The following GPC5 variants were observed in gnomAD, a reference collection of about 807,000 sequenced individuals.
GPC5 encodes the protein glypican 5, also known as glypican-5.
GPC5 carries 47 observed loss-of-function variants against 53.9 expected under a neutral mutation model. That is an observed-to-expected ratio of 0.87 (90% CI 0.69 to 1.11). The LOEUF is 1.11. Among genes scored for constraint, GPC5 ranks in the 50% most tolerant of loss-of-function variants. GPC5 has a pLI of 0.00. For synonymous variants in GPC5, 286 were observed against 263.3 expected, an observed-to-expected ratio of 1.09 and a Z score of -0.84; for missense variants, 748 against 713.1, an observed-to-expected ratio of 1.05 and a Z score of -0.56.
At chr13:92,624,996 T>A (rs1335337902) in intron 7 of GPC5, among the ~76,000 whole-genome samples, 1 of 152,202 alleles carries the variant, frequency 6.6e-6, no homozygotes, top group Non-Finnish European at 1.5e-5. Context: ...AGGATTTAAA[T>A]CCCTGAATTT....
chr13:91,449,190 A>C (rs929137302), intron 2 of GPC5, among the ~76,000 whole-genome samples: 4 of 152,148 alleles, frequency 2.6e-5, no homozygotes, highest in African/African-American at 9.7e-5. Context: ...GGGTTCTTCC[A>C]GGTCTGCCAA....
chr13:91,803,172 G>T (rs1461892429), intron 5 of GPC5, among the ~76,000 whole-genome samples: 2 of 151,864 alleles, frequency 1.3e-5, no homozygotes, highest in Non-Finnish European at 2.9e-5. Context: ...TTATATTATT[G>T]GTGAGAAATC....
intron 4 of GPC5, among the ~76,000 whole-genome samples, chr13:91,739,855 G>A (rs1224784991): frequency 6.6e-6 from 1 of 151,424 alleles, no homozygotes; most frequent in Non-Finnish European, 1.5e-5. Flanking sequence ...TGAAACTGTG[G>A]GGAGTTATCA....
chr13:92,846,248 T>C (rs986486093), intron 7 of GPC5, among the ~76,000 whole-genome samples: 7 of 152,068 alleles, frequency 4.6e-5, no homozygotes, highest in Non-Finnish European at 8.8e-5. Context: ...ACTATCATAA[T>C]AGCCTGAGGG....
intron 2 of GPC5, among the ~76,000 whole-genome samples, chr13:91,659,117 A>T (rs184196218): frequency 6.6e-6 from 1 of 152,222 alleles, no homozygotes; most frequent in Non-Finnish European, 1.5e-5. Flanking sequence ...TTAATGATTC[A>T]ATCTGTCAAT....
chr13:91,840,170 CT>C (rs1338105068), intron 5 of GPC5, among the ~76,000 whole-genome samples: 2 of 151,974 alleles, frequency 1.3e-5, no homozygotes, highest in Non-Finnish European at 2.9e-5. Flanking sequence ...AAATTTTCTA[CT>C]TTTTTCAATG....
At chr13:92,324,297 G>A (rs2043235686) in intron 7 of GPC5, among the ~76,000 whole-genome samples, 1 of 151,978 alleles carries the variant, frequency 6.6e-6, no homozygotes, top group Admixed American at 6.6e-5. Flanking sequence ...ATTTGGTAGT[G>A]TGAAATACCA....
chr13:92,437,209 C>G (rs964481001), intron 7 of GPC5, among the ~76,000 whole-genome samples: 2 of 152,228 alleles, frequency 1.3e-5, no homozygotes, highest in African/African-American at 2.4e-5. Flanking sequence ...ATGTGGGAGA[C>G]AAAAACATCA....
intron 6 of GPC5, among the ~76,000 whole-genome samples, chr13:91,970,561 A>T (rs1191164432): frequency 1.3e-5 from 2 of 152,182 alleles, no homozygotes; most frequent in Non-Finnish European, 2.9e-5. Context: ...TGCATTAAGT[A>T]ACACAGTTTG....
At chr13:92,623,902 C>T (rs1256716955) in intron 7 of GPC5, among the ~76,000 whole-genome samples, 2 of 151,844 alleles carry the variant, frequency 1.3e-5, no homozygotes, top group East Asian at 1.9e-4. Flanking sequence ...TTGCCCAGGC[C>T]GGAGTGCAGT....
At chr13:92,626,319 T>A (rs1566327990) in intron 7 of GPC5, among the ~76,000 whole-genome samples, 1 of 152,150 alleles carries the variant, frequency 6.6e-6, no homozygotes, top group Non-Finnish European at 1.5e-5. Context: ...GATCTCATGT[T>A]CCAAGAGACT....
chr13:91,920,706 A>C (rs548443539), intron 6 of GPC5, among the ~76,000 whole-genome samples: 72 of 152,316 alleles, frequency 4.7e-4, no homozygotes, highest in Non-Finnish European at 7.5e-4. Flanking sequence ...TTGCATAAAA[A>C]AACAGGCATC....
chr13:92,758,632 G>A (rs568111379), intron 7 of GPC5, among the ~76,000 whole-genome samples: 3 of 152,192 alleles, frequency 2.0e-5, no homozygotes, highest in South Asian at 2.1e-4. Context: ...ATGAGCTGAC[G>A]TCACTTGTGT....
intron 6 of GPC5, among the ~76,000 whole-genome samples, chr13:92,020,724 T>C (rs916296778): frequency 6.6e-6 from 1 of 151,786 alleles, no homozygotes; most frequent in Non-Finnish European, 1.5e-5. Flanking sequence ...TCATAGAATT[T>C]GAAGATTAAC....
chr13:91,693,988 C>A, intron 3 of GPC5, 107 bp downstream of exon 3: 2 of 828,020 alleles, frequency 2.4e-6, no homozygotes, highest in Non-Finnish European at 3.7e-6. Flanking sequence ...ATATTCAATC[C>A]AAGATATTAT....
chr13:92,168,399 G>T (rs2042046642), intron 7 of GPC5, among the ~76,000 whole-genome samples: 1 of 152,090 alleles, frequency 6.6e-6, no homozygotes, highest in Non-Finnish European at 1.5e-5. Flanking sequence ...GAGTGAACAG[G>T]CAGCCTACAG....
chr13:92,241,902 G>A (rs1034344621), intron 7 of GPC5: 1 of 152,068 alleles, frequency 6.6e-6, no homozygotes, highest in African/African-American at 2.4e-5. Context: ...AACTGCAGAA[G>A]CTATTGTAGC....
intron 5 of GPC5, among the ~76,000 whole-genome samples, chr13:91,796,624 G>A (rs1348160492): frequency 6.6e-6 from 1 of 152,134 alleles, no homozygotes; most frequent in Non-Finnish European, 1.5e-5. Flanking sequence ...TGATGGGTCC[G>A]GTGTGAGCTG....
At position 91,571,921 on chromosome 13, in the gene GPC5, T is replaced by TG. The variant is rs1426983247; in HGVS notation, c.326-121266_326-121265insG. Among the ~76,000 whole-genome samples, 234 of 108,696 alleles carry TG rather than the reference T, an allele frequency of 2.2e-3. 9 individuals carry two copies. The highest frequency in any genetic ancestry group is 9.0e-3 in the South Asian group (20 of 2,226). The allele number at this position is 108,696 out of a possible 152,430, so 71.3% of individuals were successfully genotyped here. A position where few individuals can be genotyped will look rare whatever the true frequency, so the allele number is the denominator to read the frequency against. On this transcript the variant is annotated intron_variant, in intron 2 of 7. Transcript: ENST00000377067. ...TACACATATTGTATATATACACATA[T>TG]TGTATATATACACACATGTATATAC...
Sources: gnomAD v4.1 joint callset for allele counts (sites outside exome capture counted in the v4.1 genomes callset) on GRCh38, gnomAD v4.1.1 for gene constraint, MANE v1.5 for transcripts, NCBI Gene and HGNC (gene_info 2026-07-23, HGNC 2026-07-21) for gene names.